The following TRERF1 variants were observed in gnomAD, a reference collection of about 807,000 sequenced individuals.
The protein encoded by TRERF1 is transcriptional regulating factor 1, also known as transcriptional-regulating factor 1.
In TRERF1, 27 loss-of-function variants were observed where a neutral mutation model predicts 122.9. The observed-to-expected ratio is 0.22, with a 90% CI of 0.16 to 0.30. The LOEUF is 0.30. TRERF1 is among the 10% of genes least tolerant of loss of function. The pLI is 1.00. For missense variants in TRERF1, 1,248 were observed against 1,560.3 expected (o/e 0.80, Z 3.37); for synonymous variants, 636 against 641.7 (o/e 0.99, Z 0.13).
At chr6:42,251,075 T>C (rs1360674252) in intron 13 of TRERF1, among the ~76,000 whole-genome samples, 1 of 145,336 alleles carries the variant, frequency 6.9e-6, no homozygotes, top group Non-Finnish European at 1.5e-5. Context: ...CAGCTCACTA[T>C]AGCCTACGCC....
intron 9 of TRERF1, among the ~76,000 whole-genome samples, chr6:42,258,657 C>T (rs1198279320): frequency 6.6e-6 from 1 of 152,222 alleles, no homozygotes; most frequent in East Asian, 1.9e-4. Context: ...TCACTGCAGC[C>T]TCCGCTTCCC....
intron 2 of TRERF1, among the ~76,000 whole-genome samples, chr6:42,402,964 C>CA (rs1779626390): frequency 6.6e-6 from 1 of 151,924 alleles, no homozygotes; most frequent in South Asian, 2.1e-4. Context: ...GTGAGGCTCT[C>CA]AGCCACCAAG....
At chr6:42,270,701 C>A (rs541867852) in intron 4 of TRERF1, among the ~76,000 whole-genome samples, 1 of 151,570 alleles carries the variant, frequency 6.6e-6, no homozygotes, top group African/African-American at 2.4e-5. Flanking sequence ...TATCAGGAGA[C>A]TGAGGCGAGG....
chr6:42,292,054 A>G (rs1439823230), intron 4 of TRERF1, among the ~76,000 whole-genome samples: 1 of 152,094 alleles, frequency 6.6e-6, no homozygotes, highest in Non-Finnish European at 1.5e-5. Context: ...ACATCTGTAA[A>G]ACAGTAATAA....
chr6:42,239,943 A>G (rs1288079910), intron 15 of TRERF1, among the ~76,000 whole-genome samples: 1 of 151,368 alleles, frequency 6.6e-6, no homozygotes, highest in Non-Finnish European at 1.5e-5. Context: ...GGGTGTGGAC[A>G]CTCCTGGCCC....
At chr6:42,284,248 T>TTTC (rs1782802412) in intron 4 of TRERF1, among the ~76,000 whole-genome samples, 1 of 149,068 alleles carries the variant, frequency 6.7e-6, no homozygotes, top group Non-Finnish European at 1.5e-5. Flanking sequence ...TTTTTTTTTT[T>TTTC]GTAGAGACAG....
intron 2 of TRERF1, among the ~76,000 whole-genome samples, chr6:42,367,791 T>C (rs149602983): frequency 2.0e-5 from 3 of 152,038 alleles, no homozygotes; most frequent in Admixed American, 6.6e-5. Flanking sequence ...CTGAGGTGTA[T>C]AGCAGGGGAC....
At chr6:42,406,187 A>T (rs996324377) in intron 2 of TRERF1, among the ~76,000 whole-genome samples, 1 of 152,222 alleles carries the variant, frequency 6.6e-6, no homozygotes, top group Non-Finnish European at 1.5e-5. Context: ...TGGCAGCTGT[A>T]AAGCTGGGAC....
chr6:42,239,754 C>T (rs866003266), intron 15 of TRERF1, among the ~76,000 whole-genome samples: 1 of 152,168 alleles, frequency 6.6e-6, no homozygotes, highest in African/African-American at 2.4e-5. Context: ...CCCATGATCC[C>T]AATTTTTCAT....
chr6:42,410,710 C>G (rs567671809), intron 2 of TRERF1, among the ~76,000 whole-genome samples: 2 of 152,288 alleles, frequency 1.3e-5, no homozygotes, highest in South Asian at 4.1e-4. Context: ...GTCTGATTCC[C>G]CTCAGGACTC....
intron 2 of TRERF1, among the ~76,000 whole-genome samples, chr6:42,419,434 G>C (rs959204430): frequency 7.2e-5 from 11 of 152,010 alleles, no homozygotes; most frequent in African/African-American, 2.2e-4. Flanking sequence ...CATGTCCGAA[G>C]GCAGACCTGG....
intron 3 of TRERF1, among the ~76,000 whole-genome samples, chr6:42,326,159 A>C (rs1764254951): frequency 6.6e-6 from 1 of 152,106 alleles, no homozygotes; most frequent in African/African-American, 2.4e-5. Context: ...GTACTCTCAA[A>C]TCTAGAGGAA....
At chr6:42,287,908 T>G (rs1399577640) in intron 4 of TRERF1, among the ~76,000 whole-genome samples, 1 of 152,090 alleles carries the variant, frequency 6.6e-6, no homozygotes, top group African/African-American at 2.4e-5. Context: ...CCTCACAATC[T>G]GGTCTCATTC....
chr6:42,436,814 A>ATATAT (rs1554219616), intron 2 of TRERF1, among the ~76,000 whole-genome samples: 748 of 66,618 alleles, frequency 0.011, 8 homozygotes, highest in Admixed American at 0.016. Flanking sequence ...AAAAAAAAAA[A>ATATAT]ATATATATAT....
At chr6:42,282,420 C>T (rs933478198) in intron 4 of TRERF1, among the ~76,000 whole-genome samples, 4 of 152,108 alleles carry the variant, frequency 2.6e-5, no homozygotes, top group East Asian at 3.8e-4. Flanking sequence ...TGGTGGTGCA[C>T]ACTTGTAGTC....
chr6:42,413,770 G>A (rs866181368), intron 2 of TRERF1, among the ~76,000 whole-genome samples: 46 of 152,072 alleles, frequency 3.0e-4, no homozygotes, highest in African/African-American at 1.0e-3. Flanking sequence ...AAGGAGCTTC[G>A]TGTGCACCTT....
intron 2 of TRERF1, among the ~76,000 whole-genome samples, chr6:42,428,768 G>T (rs1386357120): frequency 6.6e-6 from 1 of 152,228 alleles, no homozygotes; most frequent in Non-Finnish European, 1.5e-5. Context: ...AAGGCCTGAG[G>T]ATGGATTCAT....
intron 3 of TRERF1, among the ~76,000 whole-genome samples, chr6:42,316,692 C>T (rs959632419): frequency 1.3e-5 from 2 of 152,154 alleles, no homozygotes; most frequent in South Asian, 2.1e-4. Flanking sequence ...CTCCCTGAAA[C>T]GAACCCCCTC....
intron 2 of TRERF1, among the ~76,000 whole-genome samples, chr6:42,363,701 G>A (rs945394726): frequency 1.2e-4 from 19 of 152,122 alleles, no homozygotes; most frequent in African/African-American, 3.6e-4. Context: ...AGTAGGATGG[G>A]GGTTCCTAAT....
Sources: gnomAD v4.1 joint callset for allele counts (sites outside exome capture counted in the v4.1 genomes callset) on GRCh38, gnomAD v4.1.1 for gene constraint, MANE v1.5 for transcripts, NCBI Gene and HGNC (gene_info 2026-07-23, HGNC 2026-07-21) for gene names.